The following GPR137C variants were observed in gnomAD, a reference collection of about 807,000 sequenced individuals.
GPR137C encodes the protein integral membrane protein GPR137C.
GPR137C carries 27 observed loss-of-function variants against 43.4 expected under a neutral mutation model. The observed-to-expected ratio is 0.62, with a 90% CI of 0.46 to 0.86. The LOEUF (loss-of-function observed/expected upper bound fraction) is 0.86. Ranked by LOEUF, GPR137C falls within the 40% of genes least tolerant of loss-of-function variation. GPR137C has a pLI of 0.00. For synonymous variants in GPR137C, 285 were observed against 226.9 expected (o/e 1.26, Z -2.30); for missense variants, 522 against 534.6 (o/e 0.98, Z 0.23).
At chr14:52,576,440 G>T (rs957688576) in intron 1 of GPR137C, among the ~76,000 whole-genome samples, 1 of 152,184 alleles carries the variant, frequency 6.6e-6, no homozygotes. Flanking sequence ...GAGTGAAGGT[G>T]TCTTTTTGAT....
At chr14:52,570,247 A>G (rs1354745987) in intron 1 of GPR137C, among the ~76,000 whole-genome samples, 1 of 152,224 alleles carries the variant, frequency 6.6e-6, no homozygotes. Flanking sequence ...AGCCAAACTA[A>G]GCTTTGTAAG....
At chr14:52,581,014 C>T (rs1318012546) in intron 1 of GPR137C, among the ~76,000 whole-genome samples, 3 of 150,848 alleles carry the variant, frequency 2.0e-5, no homozygotes, top group African/African-American at 7.3e-5. Flanking sequence ...GCCTGGCCAA[C>T]ATGGCAAAAC....
chr14:52,570,387 A>G (rs2038447052), intron 1 of GPR137C, among the ~76,000 whole-genome samples: 2 of 152,224 alleles, frequency 1.3e-5, no homozygotes, highest in Admixed American at 1.3e-4. Context: ...AGCCACTGCA[A>G]AAACATACCA....
At chr14:52,574,114 G>C (rs1285625966) in intron 1 of GPR137C, among the ~76,000 whole-genome samples, 2 of 152,028 alleles carry the variant, frequency 1.3e-5, no homozygotes, top group African/African-American at 2.4e-5. Context: ...CTTTTACACT[G>C]TTGGTGGGAG....
intron 3 of GPR137C, among the ~76,000 whole-genome samples, chr14:52,616,669 C>CTA (rs1220390651): frequency 6.6e-6 from 1 of 152,092 alleles, no homozygotes; most frequent in Non-Finnish European, 1.5e-5. Context: ...GGAATCTGAC[C>CTA]TACTAAATAA....
Position 52,636,952 on chromosome 14 carries a change from G to A in GPR137C, c.*1837G>A, listed in dbSNP as rs992936197. On this transcript the variant is annotated 3_prime_UTR_variant, in exon 7 of 7. Coordinates refer to ENST00000321662, the MANE Select transcript of GPR137C (RefSeq NM_001099652.2). ...GTTAGGCATCTAATCATCTAGAGCT[G>A]TCCAAAAAGATATGTTGTCTTTGTT... The A allele has an allele frequency of 1.3e-5, 2 of 152,134 alleles. No homozygotes were observed. Among genetic ancestry groups the A allele is most frequent in the African/African-American group, 2.4e-5 (1 of 41,450 alleles). 9.4% of individuals were successfully genotyped at this position (152,134 alleles called of 1,614,324 possible). A position where few individuals can be genotyped will look rare whatever the true frequency, so the allele number is the denominator to read the frequency against.
intron 1 of GPR137C, among the ~76,000 whole-genome samples, chr14:52,596,214 C>A (rs1410350222): frequency 6.6e-6 from 1 of 152,140 alleles, no homozygotes; most frequent in Non-Finnish European, 1.5e-5. Flanking sequence ...GAGGGGCACC[C>A]GCCTGTATGA....
At chr14:52,604,960 G>T (rs2038968100) in intron 3 of GPR137C, among the ~76,000 whole-genome samples, 1 of 152,126 alleles carries the variant, frequency 6.6e-6, no homozygotes, top group Admixed American at 6.5e-5. Context: ...GGATACTATA[G>T]CTTTGCAGTA....
rs1292863315 is a variant in GPR137C at position 52,635,034 on chromosome 14, A to G, written c.1209A>G (p.Thr403=). 4 of 1,612,142 alleles carry G rather than the reference A, an allele frequency of 2.5e-6. No homozygotes were observed. Among genetic ancestry groups the G allele is most frequent in the Admixed American group, 1.7e-5 (1 of 59,588 alleles). The stretch of plus-strand genomic sequence containing the variant: ...CTCCCCACCTGAATGGACCTATGAC[A>G]GATACTGCTCCTTTGCTCTTTACTT... ...TVTPHLNGPM[T]DTAPLLFTCS... is the part of the protein sequence containing the mutation. The change falls in exon 7 of 7, where the codon ACA becomes ACG. Residue 403 remains threonine (T), a synonymous_variant. Transcript: ENST00000321662.
intron 3 of GPR137C, among the ~76,000 whole-genome samples, chr14:52,623,146 A>G (rs1302868839): frequency 6.6e-6 from 1 of 152,184 alleles, no homozygotes; most frequent in Non-Finnish European, 1.5e-5. Context: ...TGGTGCTGAC[A>G]CCATATAAAT....
chr14:52,627,530 A>C (rs1594809163), intron 3 of GPR137C, among the ~76,000 whole-genome samples: 1 of 152,190 alleles, frequency 6.6e-6, no homozygotes, highest in East Asian at 1.9e-4. Flanking sequence ...TTTGCACGAC[A>C]ATGCAGATGA....
intron 1 of GPR137C, 65 bp downstream of exon 1, chr14:52,553,656 G>C: frequency 1.1e-6 from 1 of 895,496 alleles, no homozygotes. Flanking sequence ...ATCAACTCCC[G>C]CTGAGGACCA....
chr14:52,578,391 C>T lies in GPR137C; in HGVS notation c.445-19881C>T, dbSNP rs1279712130. On this transcript the variant is annotated intron_variant, in intron 1 of 6. Transcript: ENST00000321662. The stretch of plus-strand genomic sequence containing the variant: ...TTTCTCTGCTTTTTGGGGGAGTTTC[C>T]CAATTTCCAGCCTGTCTTTTGACTT... 2.6e-5 allele frequency among the ~76,000 whole-genome samples: 4 copies of T among 151,956 alleles called. No homozygotes were observed. In the East Asian group the frequency reaches 7.7e-4, roughly 29 times the overall value.
chr14:52,568,224 C>T (rs139253568), intron 1 of GPR137C, among the ~76,000 whole-genome samples: 1 of 152,254 alleles, frequency 6.6e-6, no homozygotes, highest in Non-Finnish European at 1.5e-5. Context: ...CTCCCCTAGT[C>T]AAGGAAAGCC....
chr14:52,632,342 ATG>A lies in GPR137C; in HGVS notation c.867+36_867+37del, dbSNP rs779383071. ...CCTACCACGTATTGCCAGTCTAACA[ATG>A]TGATAATTAACTTACCCTCATCTAG... On this transcript the variant is annotated intron_variant, in intron 4 of 6. Transcript: ENST00000321662. The A allele has an allele frequency of 1.4e-5, 21 of 1,519,894 alleles. No homozygotes were observed. The South Asian group carries it at 2.0e-4, about 14-fold the overall frequency. 94.2% of individuals were successfully genotyped at this position (1,519,894 alleles called of 1,614,324 possible).
At chr14:52,608,073 G>C (rs1367066436) in intron 3 of GPR137C, among the ~76,000 whole-genome samples, 1 of 152,066 alleles carries the variant, frequency 6.6e-6, no homozygotes, top group Non-Finnish European at 1.5e-5. Context: ...TTGCCACTCT[G>C]TATCTTTTAA....
intron 3 of GPR137C, among the ~76,000 whole-genome samples, chr14:52,623,350 A>G (rs542788967): frequency 1.3e-5 from 2 of 152,326 alleles, no homozygotes; most frequent in African/African-American, 4.8e-5. Flanking sequence ...AGCAATGTCA[A>G]TTATATAAGG....
At chr14:52,580,723 T>C (rs919663240) in intron 1 of GPR137C, among the ~76,000 whole-genome samples, 2 of 151,010 alleles carry the variant, frequency 1.3e-5, no homozygotes, top group Non-Finnish European at 3.0e-5. Context: ...CAAGAAGATA[T>C]TGAATCCTAG....
chr14:52,580,055 T>C (rs1408059687), intron 1 of GPR137C, among the ~76,000 whole-genome samples: 1 of 152,206 alleles, frequency 6.6e-6, no homozygotes, highest in Non-Finnish European at 1.5e-5. Flanking sequence ...TTTCTAAGGA[T>C]AGCAGTCTTG....
Sources: gnomAD v4.1 joint callset for allele counts (sites outside exome capture counted in the v4.1 genomes callset) on GRCh38, gnomAD v4.1.1 for gene constraint, MANE v1.5 for transcripts, NCBI Gene and HGNC (gene_info 2026-07-23, HGNC 2026-07-21) for gene names.